The following GPHN variants were observed in gnomAD, a reference collection of about 807,000 sequenced individuals.
GPHN encodes gephyrin.
In GPHN, 17 loss-of-function variants were observed where a neutral mutation model predicts 95.5. The ratio of observed to expected loss-of-function variants is 0.18; its 90% CI spans 0.12 to 0.27. The LOEUF is 0.27. GPHN is among the 10% of genes least tolerant of loss of function. The pLI, the probability that GPHN is intolerant of heterozygous loss-of-function variation, is 1.00. For missense variants in GPHN, 660 were observed against 978.1 expected (o/e 0.67, Z 4.34); for synonymous variants, 320 against 322.5 (o/e 0.99, Z 0.08).
chr14:67,376,424 T>G, the GPHN span: 3 of 1,571,778 alleles, frequency 1.9e-6, no homozygotes, highest in South Asian at 3.5e-5. Context: ...GTTGAGCTTT[T>G]CATTTTATTT....
At chr14:66,842,624 T>G (rs1393598533) in intron 4 of GPHN, 24 of 1,365,288 alleles carry the variant, frequency 1.8e-5, no homozygotes, top group Non-Finnish European at 2.4e-5. Context: ...TTTGACCTGC[T>G]TTCCTCAAAC....
At chr14:66,839,273 T>C (rs939518589) in intron 4 of GPHN, among the ~76,000 whole-genome samples, 2 of 152,242 alleles carry the variant, frequency 1.3e-5, no homozygotes, top group African/African-American at 4.8e-5. Flanking sequence ...TCCATCATGC[T>C]GGAAGGACTA....
At chr14:67,501,730 T>A in the GPHN span, among the ~76,000 whole-genome samples, 3 of 152,134 alleles carry the variant, frequency 2.0e-5, no homozygotes, top group African/African-American at 7.2e-5. Flanking sequence ...AGCACCAAAG[T>A]CCCCTATCTA....
intron 9 of GPHN, among the ~76,000 whole-genome samples, chr14:67,005,314 T>A (rs1484582055): frequency 6.6e-6 from 1 of 151,920 alleles, no homozygotes; most frequent in African/African-American, 2.4e-5. Flanking sequence ...TAAGATTTTT[T>A]AATAGTATTC....
chr14:67,558,750 G>A, the GPHN span, among the ~76,000 whole-genome samples: 1 of 152,226 alleles, frequency 6.6e-6, no homozygotes, highest in Non-Finnish European at 1.5e-5. Context: ...GAAGCACAAA[G>A]ACAATATCAA....
rs1388607714 is a variant in GPHN, at chr14:67,058,793, T to C, written c.1144+7T>C. The stretch of plus-strand genomic sequence containing the variant: ...GAAATCATCAATTACCGAGGTACTA[T>C]TATATTTGACCATTGCCCTTTCTTT... On this transcript the variant is annotated splice_region_variant and intron_variant, in intron 11 of 22. Transcript: ENST00000478722. 1 of 1,612,366 alleles carries C rather than the reference T, an allele frequency of 6.2e-7. No homozygotes were observed. Among genetic ancestry groups the C allele is most frequent in the East Asian group, 2.2e-5 (1 of 44,880 alleles).
chr14:67,506,254 A>G, the GPHN span, among the ~76,000 whole-genome samples: 1 of 152,140 alleles, frequency 6.6e-6, no homozygotes, highest in Non-Finnish European at 1.5e-5. Flanking sequence ...AGTTGAGACT[A>G]TGCTTGTAAG....
intron 9 of GPHN, among the ~76,000 whole-genome samples, chr14:66,977,192 G>A (rs1406227802): frequency 6.6e-6 from 1 of 152,144 alleles, no homozygotes; most frequent in Admixed American, 6.5e-5. Flanking sequence ...AGTACTTTGG[G>A]AGGCCGAGGC....
the GPHN span, chr14:67,340,315 A>T: frequency 3.7e-5 from 28 of 764,806 alleles, no homozygotes; most frequent in Non-Finnish European, 5.5e-5. Context: ...CTTGCTGCTT[A>T]TTTATCAGAA....
chr14:67,359,726 C>A, the GPHN span: 2 of 1,613,210 alleles, frequency 1.2e-6, no homozygotes, highest in Non-Finnish European at 1.7e-6. Flanking sequence ...GGCTCGGGTC[C>A]CCGGCCGGGC....
chr14:66,625,943 G>A (rs1394185688), intron 1 of GPHN, among the ~76,000 whole-genome samples: 1 of 152,128 alleles, frequency 6.6e-6, no homozygotes, highest in Non-Finnish European at 1.5e-5. Context: ...TTATTAGGTA[G>A]GTATCCAGAG....
intron 17 of GPHN, chr14:67,143,146 AG>A: frequency 2.0e-6 from 1 of 500,818 alleles, no homozygotes. Context: ...TGAAATCGCC[AG>A]TAGCCACTAC....
At chr14:66,662,132 C>A (rs192722763) in intron 1 of GPHN, among the ~76,000 whole-genome samples, 2 of 152,294 alleles carry the variant, frequency 1.3e-5, no homozygotes, top group Admixed American at 6.5e-5. Context: ...AGAAGTGGTA[C>A]ACCCACACAG....
the GPHN span, among the ~76,000 whole-genome samples, chr14:67,527,702 A>C: frequency 6.6e-6 from 1 of 152,318 alleles, no homozygotes; most frequent in Non-Finnish European, 1.5e-5. Flanking sequence ...ACCCTGGTGA[A>C]GTGTCCATTA....
chr14:67,543,473 C>T, the GPHN span, among the ~76,000 whole-genome samples: 1 of 152,204 alleles, frequency 6.6e-6, no homozygotes, highest in Non-Finnish European at 1.5e-5. Flanking sequence ...CAGTGATTCT[C>T]AAAGTGTGGT....
Position 66,508,264 on chromosome 14 carries a change from C to T in GPHN, c.-264C>T, listed in dbSNP as rs993101519. On this transcript the variant is annotated 5_prime_UTR_variant, in exon 1 of 23. Transcript: ENST00000478722. ...CGCTCTCCCCGTGCGGCCACCGCGC[C>T]CCCCAAGCTTGCCTCCTTCTTGCCG... The T allele has an allele frequency of 3.5e-6, 2 of 570,096 alleles. No individual in the cohort carries two copies. The highest frequency in any genetic ancestry group is 3.8e-5 in the African/African-American group (2 of 52,664). 35.3% of individuals were successfully genotyped at this position (570,096 alleles called of 1,614,324 possible). A position where few individuals can be genotyped will look rare whatever the true frequency, so the allele number is the denominator to read the frequency against.
the GPHN span, among the ~76,000 whole-genome samples, chr14:67,596,975 T>C: frequency 1.3e-5 from 2 of 152,242 alleles, no homozygotes; most frequent in Non-Finnish European, 2.9e-5. Flanking sequence ...GCTCTGGTTT[T>C]CTTTGATGGT....
chr14:67,328,590 C>T, the GPHN span, among the ~76,000 whole-genome samples: 1 of 152,152 alleles, frequency 6.6e-6, no homozygotes, highest in Non-Finnish European at 1.5e-5. Flanking sequence ...AGGTTTTCTT[C>T]TAGGGTTTTT....
intron 1 of GPHN, among the ~76,000 whole-genome samples, chr14:66,591,428 T>G (rs2140629478): frequency 6.6e-6 from 1 of 152,276 alleles, no homozygotes; most frequent in East Asian, 1.9e-4. Flanking sequence ...GCCCAAAATC[T>G]CCTTAAGCTG....
Sources: allele counts gnomAD v4.1 joint callset (sites outside exome capture counted in the v4.1 genomes callset), GRCh38; gene constraint gnomAD v4.1.1; transcripts MANE v1.5; gene names NCBI Gene and HGNC (gene_info 2026-07-23, HGNC 2026-07-21).